The following COL13A1 variants were observed in gnomAD, a reference collection of about 807,000 sequenced individuals.
COL13A1 encodes the protein collagen alpha-1(XIII) chain.
A neutral mutation model predicts 130.9 loss-of-function variants in COL13A1; 89 were observed. The ratio of observed to expected loss-of-function variants is 0.68; its 90% CI spans 0.57 to 0.81. The LOEUF is 0.81. Among genes scored for constraint, COL13A1 ranks in the 30% least tolerant of loss-of-function variants. COL13A1 has a pLI of 0.00. For missense variants in COL13A1, 879 were observed against 934.6 expected (o/e 0.94, Z 0.78); for synonymous variants, 402 against 341.6 (o/e 1.18, Z -1.95).
intron 2 of COL13A1, among the ~76,000 whole-genome samples, chr10:69,831,474 G>T (rs1848803949): frequency 6.6e-6 from 1 of 152,158 alleles, no homozygotes; most frequent in Non-Finnish European, 1.5e-5. Context: ...AACTCACCAT[G>T]GGGTGGCTAT....
At chr10:69,830,007 T>C (rs1311086292) in intron 2 of COL13A1, among the ~76,000 whole-genome samples, 1 of 152,138 alleles carries the variant, frequency 6.6e-6, no homozygotes, top group Non-Finnish European at 1.5e-5. Context: ...GGCTGAGATT[T>C]GTAGGGAAAT....
At chr10:69,849,528 G>T (rs1321796337) in intron 2 of COL13A1, among the ~76,000 whole-genome samples, 1 of 152,216 alleles carries the variant, frequency 6.6e-6, no homozygotes, top group Non-Finnish European at 1.5e-5. Flanking sequence ...GAACAAGAGA[G>T]GATATTGTTT....
At chr10:69,853,021 G>A (rs912970663) in intron 2 of COL13A1, among the ~76,000 whole-genome samples, 1 of 152,192 alleles carries the variant, frequency 6.6e-6, no homozygotes, top group Admixed American at 6.5e-5. Context: ...GGGGAGCGGG[G>A]GGAGGTATGG....
intron 7 of COL13A1, 97 bp from the exon 8 acceptor site, chr10:69,887,359 G>C (rs2060693156): frequency 7.7e-7 from 1 of 1,293,860 alleles, no homozygotes; most frequent in Non-Finnish European, 1.1e-6. Flanking sequence ...ATCACACAAA[G>C]TGAGAGGGAT....
intron 1 of COL13A1, among the ~76,000 whole-genome samples, chr10:69,820,139 C>T (rs1313902508): frequency 6.6e-6 from 1 of 152,218 alleles, no homozygotes; most frequent in Non-Finnish European, 1.5e-5. Context: ...TCTCTGTCCC[C>T]TTGCTTTACT....
intron 14 of COL13A1, among the ~76,000 whole-genome samples, chr10:69,900,237 C>T (rs2062050826): frequency 6.6e-6 from 1 of 152,192 alleles, no homozygotes; most frequent in South Asian, 2.1e-4. Context: ...CAGCGACCTC[C>T]CAGCCTTAGG....
At chr10:69,874,063 T>C (rs572221234) in intron 4 of COL13A1, among the ~76,000 whole-genome samples, 5 of 152,344 alleles carry the variant, frequency 3.3e-5, no homozygotes, top group African/African-American at 1.2e-4. Flanking sequence ...GAAGAGTCAG[T>C]GCTTCTAATC....
chr10:69,958,289 G>A (rs2071183778), intron 40 of COL13A1, among the ~76,000 whole-genome samples: 1 of 152,182 alleles, frequency 6.6e-6, no homozygotes, highest in African/African-American at 2.4e-5. Flanking sequence ...TGCTGCCAAT[G>A]GTTAGGAGAC....
At chr10:69,856,266 G>A (rs1589100843) in intron 2 of COL13A1, among the ~76,000 whole-genome samples, 1 of 152,194 alleles carries the variant, frequency 6.6e-6, no homozygotes, top group Non-Finnish European at 1.5e-5. Flanking sequence ...AACCTCAACT[G>A]GCAATACTTG....
intron 2 of COL13A1, among the ~76,000 whole-genome samples, chr10:69,863,529 G>A (rs555626170): frequency 1.8e-4 from 27 of 152,290 alleles, no homozygotes; most frequent in African/African-American, 6.3e-4. Flanking sequence ...TGGTTCAGAT[G>A]ACACTGAACT....
intron 3 of COL13A1, among the ~76,000 whole-genome samples, chr10:69,871,545 C>T (rs956189043): frequency 2.6e-5 from 4 of 152,176 alleles, no homozygotes; most frequent in African/African-American, 9.7e-5. Context: ...CAGGAACAAA[C>T]GTTAGAAGGG....
intron 2 of COL13A1, among the ~76,000 whole-genome samples, chr10:69,866,932 G>T (rs1246788284): frequency 6.6e-6 from 1 of 152,220 alleles, no homozygotes; most frequent in Non-Finnish European, 1.5e-5. Context: ...ACCAGGCCCA[G>T]CTGGGAATCA....
chr10:69,883,653 G>A (rs1486070148), intron 7 of COL13A1, among the ~76,000 whole-genome samples: 1 of 152,218 alleles, frequency 6.6e-6, no homozygotes, highest in Non-Finnish European at 1.5e-5. Context: ...GTGGAAGGAG[G>A]GCAGGCAGGG....
intron 34 of COL13A1, among the ~76,000 whole-genome samples, 153 bp downstream of exon 34, chr10:69,937,868 C>T (rs553843608): frequency 6.6e-6 from 1 of 152,322 alleles, no homozygotes; most frequent in African/African-American, 2.4e-5. Flanking sequence ...AGACCACAGG[C>T]TCTGATTCTC....
At position 69,877,941 on chromosome 10, in the gene COL13A1, G is replaced by C. The variant is rs1042769489; in HGVS notation, c.436-98G>C. 13 of 683,678 alleles carry C rather than the reference G, an allele frequency of 1.9e-5. No individual in the cohort carries two copies. The Admixed American group carries it at 2.3e-4, about 12-fold the overall frequency. 42.4% of individuals were successfully genotyped at this position (683,678 alleles called of 1,614,324 possible). A position where few individuals can be genotyped will look rare whatever the true frequency, so the allele number is the denominator to read the frequency against. On this transcript the variant is annotated intron_variant, in intron 5 of 40. Coordinates refer to ENST00000645393, the MANE Select transcript of COL13A1 (RefSeq NM_001368882.1). ...TTCTTCTGTTTGGTTGTTGTGCTAT[G>C]AACATGGATTCTCGTGTGGGTGCCT...
chr10:69,824,522 AG>A (rs1847006216), intron 2 of COL13A1, among the ~76,000 whole-genome samples: 1 of 152,174 alleles, frequency 6.6e-6, no homozygotes, highest in Admixed American at 6.5e-5. Context: ...AGGAGGGGGA[AG>A]GACTTGGAAG....
chr10:69,857,571 T>C (rs898708163), intron 2 of COL13A1, among the ~76,000 whole-genome samples: 1 of 152,174 alleles, frequency 6.6e-6, no homozygotes, highest in Non-Finnish European at 1.5e-5. Context: ...GGGATCTACG[T>C]TGCACACTCC....
chr10:69,921,941 T>A lies in COL13A1; in HGVS notation c.1143+6T>A, dbSNP rs1319930166. The A allele has an allele frequency of 6.2e-7, 1 of 1,601,806 alleles. No homozygotes were observed. The highest frequency in any genetic ancestry group is 2.2e-5 in the East Asian group (1 of 44,504). On this transcript the variant is annotated splice_donor_region_variant and intron_variant, in intron 22 of 40. Transcript: ENST00000645393. ...CTGGCCTCCTGGGGCAGAAGGTAGG[T>A]GTTGCTCTGAATGGAGGGTTCAAGT...
chr10:69,839,131 G>A (rs1850893889), intron 2 of COL13A1, among the ~76,000 whole-genome samples: 2 of 152,188 alleles, frequency 1.3e-5, no homozygotes, highest in Non-Finnish European at 2.9e-5. Context: ...TGGAGAATGC[G>A]ATGGTCTTGG....
Sources: gnomAD v4.1 joint callset for allele counts (sites outside exome capture counted in the v4.1 genomes callset) on GRCh38, gnomAD v4.1.1 for gene constraint, MANE v1.5 for transcripts, NCBI Gene and HGNC (gene_info 2026-07-23, HGNC 2026-07-21) for gene names.